The following FGF2 variants were observed in gnomAD, a reference collection of about 807,000 sequenced individuals.
The protein encoded by FGF2 is basic fibroblast growth factor bFGF.
A neutral mutation model predicts 15.9 loss-of-function variants in FGF2; 13 were observed. The ratio of observed to expected loss-of-function variants is 0.82; its 90% CI spans 0.53 to 1.30. The LOEUF is 1.30. Ranked by LOEUF, FGF2 falls within the 50% of genes most tolerant of loss-of-function variation. The pLI is 0.00. For missense variants in FGF2, 163 were observed against 196.9 expected, an observed-to-expected ratio of 0.83 and a Z score of 1.03; for synonymous variants, 90 against 78.4, an observed-to-expected ratio of 1.15 and a Z score of -0.78.
At chr4:122,835,635 T>A (rs1169859267) in intron 1 of FGF2, among the ~76,000 whole-genome samples, 1 of 152,168 alleles carries the variant, frequency 6.6e-6, no homozygotes, top group Non-Finnish European at 1.5e-5. Flanking sequence ...CTTTGATGCC[T>A]TTCTCTACTT....
chr4:122,837,247 A>G (rs891490938), intron 1 of FGF2, among the ~76,000 whole-genome samples: 1 of 152,334 alleles, frequency 6.6e-6, no homozygotes, highest in Middle Eastern at 3.4e-3. Flanking sequence ...GATGTCTGCA[A>G]GGGTGGGTGG....
chr4:122,844,578 T>C (rs879913729), intron 1 of FGF2, among the ~76,000 whole-genome samples: 7,270 of 124,574 alleles, frequency 0.058, 218 homozygotes, highest in African/African-American at 0.092. Context: ...TCTTTTTCTT[T>C]CTTTCTTTCT....
chr4:122,847,922 A>T (rs1726150085), intron 1 of FGF2, among the ~76,000 whole-genome samples: 1 of 152,248 alleles, frequency 6.6e-6, no homozygotes, highest in Admixed American at 6.5e-5. Flanking sequence ...CACTGATTCA[A>T]ATGTAAATTT....
At chr4:122,858,252 T>C (rs1175140302) in intron 1 of FGF2, among the ~76,000 whole-genome samples, 2 of 152,180 alleles carry the variant, frequency 1.3e-5, no homozygotes, top group African/African-American at 2.4e-5. Context: ...GAAAGTTTAC[T>C]GAGAGGGGCA....
At chr4:122,878,870 G>C (rs936421871) in intron 2 of FGF2, among the ~76,000 whole-genome samples, 2 of 152,152 alleles carry the variant, frequency 1.3e-5, no homozygotes, top group African/African-American at 4.8e-5. Flanking sequence ...GAAGGTAGAC[G>C]AGAAAGGGGA....
intron 1 of FGF2, among the ~76,000 whole-genome samples, chr4:122,875,825 A>G: frequency 6.6e-6 from 1 of 152,228 alleles, no homozygotes; most frequent in East Asian, 1.9e-4. Context: ...AAGGAAATAC[A>G]GCTCAAATTA....
chr4:122,887,933 T>C (rs1023028693), intron 2 of FGF2, among the ~76,000 whole-genome samples: 1 of 152,246 alleles, frequency 6.6e-6, no homozygotes, highest in African/African-American at 2.4e-5. Context: ...ATTAGTACTT[T>C]TTAATTTCTA....
intron 1 of FGF2, among the ~76,000 whole-genome samples, chr4:122,858,810 A>C (rs1236747726): frequency 6.6e-6 from 1 of 152,206 alleles, no homozygotes; most frequent in East Asian, 1.9e-4. Context: ...AAGAAAAAAA[A>C]ACAGTGGTTA....
At chr4:122,840,383 GC>G (rs1300385554) in intron 1 of FGF2, 1 of 152,326 alleles carries the variant, frequency 6.6e-6, no homozygotes, top group Non-Finnish European at 1.5e-5. Context: ...GCCAAAAAAG[GC>G]CATAGCCACG....
chr4:122,892,006 G>A (rs1345708222), intron 2 of FGF2, among the ~76,000 whole-genome samples: 1 of 152,174 alleles, frequency 6.6e-6, no homozygotes, highest in African/African-American at 2.4e-5. Context: ...CTGACATGCT[G>A]TGTTCCTGGC....
Position 122,898,148 on chromosome 4 carries a change from GTA to G in FGF2, c.*5754_*5755del, listed in dbSNP as rs1206858558. On this transcript the variant is annotated 3_prime_UTR_variant, in exon 3 of 3. Transcript: ENST00000644866. ...ATGTATTACTCTTATTATTTCTATTGTATGTGTTAATGATTTTATGTAAAAAT... is the reference window on the plus strand; with the variant it reads ...ATGTATTACTCTTATTATTTCTATTGTGTGTTAATGATTTTATGTAAAAAT... 2 of 152,950 alleles carry G rather than the reference GTA, an allele frequency of 1.3e-5. No individual in the cohort carries two copies. Among genetic ancestry groups the G allele is most frequent in the Non-Finnish European group, 2.9e-5 (2 of 68,448 alleles). 9.5% of individuals were successfully genotyped at this position (152,950 alleles called of 1,614,324 possible). A position where few individuals can be genotyped will look rare whatever the true frequency, so the allele number is the denominator to read the frequency against.
intron 1 of FGF2, among the ~76,000 whole-genome samples, chr4:122,848,087 A>G (rs906175865): frequency 6.6e-6 from 1 of 152,230 alleles, no homozygotes; most frequent in Non-Finnish European, 1.5e-5. Context: ...AGGGTGGTGA[A>G]TAAGCCCTGG....
At chr4:122,834,901 T>C (rs1264613072) in intron 1 of FGF2, among the ~76,000 whole-genome samples, 1 of 152,198 alleles carries the variant, frequency 6.6e-6, no homozygotes, top group African/African-American at 2.4e-5. Flanking sequence ...GCACCAATAG[T>C]GGTGCAGATA....
chr4:122,849,934 GAACATTGTGTATGTTC>G, intron 1 of FGF2, among the ~76,000 whole-genome samples: 1 of 152,168 alleles, frequency 6.6e-6, no homozygotes, highest in Admixed American at 6.5e-5. Flanking sequence ...TGTGTATGTT[GAACATTGTGTATGTTC>G]AACAATGTAT....
chr4:122,835,110 T>G (rs911014268), intron 1 of FGF2, among the ~76,000 whole-genome samples: 3 of 152,148 alleles, frequency 2.0e-5, no homozygotes, highest in Admixed American at 6.6e-5. Context: ...TGCATAGCAA[T>G]CCTCACCCTT....
At chr4:122,889,861 C>G (rs76831463) in intron 2 of FGF2, 1 of 152,054 alleles carries the variant, frequency 6.6e-6, no homozygotes, top group African/African-American at 2.4e-5. Context: ...AGTTAGTATT[C>G]TAGTATGCCA....
At chr4:122,828,654 C>G (rs1725698900) in intron 1 of FGF2, among the ~76,000 whole-genome samples, 1 of 152,222 alleles carries the variant, frequency 6.6e-6, no homozygotes. Flanking sequence ...AATACACTTT[C>G]ATATGAGCTG....
intron 2 of FGF2, among the ~76,000 whole-genome samples, chr4:122,883,874 C>T (rs1329219980): frequency 1.3e-5 from 2 of 152,116 alleles, no homozygotes; most frequent in African/African-American, 4.8e-5. Flanking sequence ...AATGTATATT[C>T]TCTGAGGATA....
At chr4:122,880,456 G>A (rs1192099555) in intron 2 of FGF2, among the ~76,000 whole-genome samples, 1 of 152,034 alleles carries the variant, frequency 6.6e-6, no homozygotes, top group African/African-American at 2.4e-5. Flanking sequence ...CACCATGTTA[G>A]CCAGGGTGGT....
Sources: allele counts gnomAD v4.1 joint callset (sites outside exome capture counted in the v4.1 genomes callset), GRCh38; gene constraint gnomAD v4.1.1; transcripts MANE v1.5; gene names NCBI Gene and HGNC (gene_info 2026-07-23, HGNC 2026-07-21).